Variants in QKI observed in about 807,000 individuals in gnomAD.
The protein encoded by QKI is KH domain-containing RNA-binding protein QKI.
QKI carries 10 observed loss-of-function variants against 39.0 expected under a neutral mutation model. That is an observed-to-expected ratio of 0.26 (90% CI 0.16 to 0.43). The LOEUF is 0.43. Ranked by LOEUF, QKI falls within the 20% of genes least tolerant of loss-of-function variation. QKI has a pLI of 1.00. For missense variants in QKI, 218 were observed against 428.0 expected (o/e 0.51, Z 4.33); for synonymous variants, 204 against 155.4 (o/e 1.31, Z -2.33).
intron 7 of QKI, chr6:163,570,158 C>A: frequency 1.0e-6 from 1 of 985,734 alleles, no homozygotes; most frequent in Non-Finnish European, 1.2e-6. Flanking sequence ...TTGTTTGGCC[C>A]AGAGTTTATG....
chr6:163,447,110 T>A (rs561296378), intron 1 of QKI, among the ~76,000 whole-genome samples: 1 of 152,314 alleles, frequency 6.6e-6, no homozygotes, highest in Admixed American at 6.5e-5. Flanking sequence ...GAGTTTCTTA[T>A]GCCAGGAAAT....
chr6:163,440,570 T>C (rs778356546), intron 1 of QKI, among the ~76,000 whole-genome samples: 1 of 152,228 alleles, frequency 6.6e-6, no homozygotes, highest in Non-Finnish European at 1.5e-5. Context: ...GCTTTTAATA[T>C]TGGCATAACT....
chr6:163,477,750 C>G (rs934849421), intron 2 of QKI, among the ~76,000 whole-genome samples: 2 of 152,138 alleles, frequency 1.3e-5, no homozygotes, highest in Non-Finnish European at 2.9e-5. Context: ...TTGAGAATCA[C>G]TTTTCTAAGG....
At chr6:163,438,122 A>G (rs1372977888) in intron 1 of QKI, among the ~76,000 whole-genome samples, 1 of 152,160 alleles carries the variant, frequency 6.6e-6, no homozygotes, top group Admixed American at 6.5e-5. Context: ...TACATGTGAG[A>G]AGTCATTTGC....
intron 2 of QKI, among the ~76,000 whole-genome samples, chr6:163,473,370 A>G (rs118099186): frequency 1.3e-5 from 2 of 152,246 alleles, no homozygotes; most frequent in East Asian, 1.9e-4. Context: ...GCTAGCCTAG[A>G]TTCAGGAGGT....
chr6:163,496,900 A>G (rs1262707795), intron 3 of QKI, among the ~76,000 whole-genome samples: 3 of 152,156 alleles, frequency 2.0e-5, no homozygotes, highest in Non-Finnish European at 4.4e-5. Context: ...TGTATTTTTC[A>G]TCTTACCATC....
intron 1 of QKI, among the ~76,000 whole-genome samples, chr6:163,435,744 T>C (rs1029472255): frequency 6.6e-6 from 1 of 150,694 alleles, no homozygotes; most frequent in Non-Finnish European, 1.5e-5. Context: ...ATGTTTCTGC[T>C]GTATATATGA....
intron 4 of QKI, among the ~76,000 whole-genome samples, chr6:163,540,567 A>G (rs191273786): frequency 7.9e-4 from 120 of 152,302 alleles, no homozygotes; most frequent in African/African-American, 2.5e-3. Flanking sequence ...CTTGAGCATT[A>G]TAAGGGCAAT....
intron 1 of QKI, among the ~76,000 whole-genome samples, chr6:163,423,912 T>C (rs762183130): frequency 2.0e-5 from 3 of 152,232 alleles, no homozygotes; most frequent in Non-Finnish European, 4.4e-5. Flanking sequence ...TGTATACTTG[T>C]ATCAGTTTTA....
chr6:163,517,899 C>A (rs1779930082), intron 3 of QKI, among the ~76,000 whole-genome samples: 1 of 152,116 alleles, frequency 6.6e-6, no homozygotes, highest in Non-Finnish European at 1.5e-5. Flanking sequence ...ACAGCTATTT[C>A]TAGAAGGTTA....
intron 1 of QKI, among the ~76,000 whole-genome samples, chr6:163,421,902 G>GC (rs1451435640): frequency 1.3e-5 from 2 of 151,742 alleles, no homozygotes; most frequent in African/African-American, 4.8e-5. Context: ...CCGCCACCAC[G>GC]CCCGGCTAAT....
At chr6:163,568,601 A>T in intron 7 of QKI, 1 of 977,396 alleles carries the variant, frequency 1.0e-6, no homozygotes, top group South Asian at 4.7e-5. Flanking sequence ...ATTTTATGAT[A>T]CTACTGTTTT....
At chr6:163,523,233 CCTGA>C (rs367734207) in intron 3 of QKI, among the ~76,000 whole-genome samples, 233 of 152,174 alleles carry the variant, frequency 1.5e-3, no homozygotes, top group African/African-American at 3.3e-3. Flanking sequence ...TTCAGTGTTG[CCTGA>C]CTGAGTTTTT....
At chr6:163,534,229 GA>G (rs1438702888) in intron 3 of QKI, among the ~76,000 whole-genome samples, 11 of 152,058 alleles carry the variant, frequency 7.2e-5, no homozygotes, top group African/African-American at 2.7e-4. Flanking sequence ...AGACATTAAG[GA>G]AATGAAATAT....
chr6:163,567,110 T>G, intron 7 of QKI: 3 of 1,031,286 alleles, frequency 2.9e-6, no homozygotes, highest in Middle Eastern at 4.7e-4. Flanking sequence ...ATTAATAACT[T>G]TTGCTAAAAT....
chr6:163,478,482 CT>C, intron 2 of QKI, among the ~76,000 whole-genome samples: 1 of 152,248 alleles, frequency 6.6e-6, no homozygotes, highest in Middle Eastern at 3.4e-3. Flanking sequence ...TTGTCAAACT[CT>C]TTAATACTCT....
chr6:163,418,335 AC>A (rs764033279), intron 1 of QKI, among the ~76,000 whole-genome samples: 135 of 152,234 alleles, frequency 8.9e-4, no homozygotes, highest in Non-Finnish European at 1.6e-3. Flanking sequence ...TTGGCTAGTT[AC>A]AAATTTGAGG....
chr6:163,460,331 T>C (rs1390780359), intron 2 of QKI, among the ~76,000 whole-genome samples: 2 of 152,214 alleles, frequency 1.3e-5, no homozygotes, highest in Admixed American at 1.3e-4. Context: ...GTCAAAGGTT[T>C]TGTAAGACAG....
At chr6:163,565,654 G>GA (rs1341380766) in intron 6 of QKI, 4 of 1,067,078 alleles carry the variant, frequency 3.7e-6, no homozygotes, top group African/African-American at 1.7e-5. Flanking sequence ...AGTGCCCAAT[G>GA]AAAAAATCTA....
Sources: gnomAD v4.1 joint callset for allele counts (sites outside exome capture counted in the v4.1 genomes callset) on GRCh38, gnomAD v4.1.1 for gene constraint, MANE v1.5 for transcripts, NCBI Gene and HGNC (gene_info 2026-07-23, HGNC 2026-07-21) for gene names.